KCTD16: variants seen among roughly 807,000 people sequenced by gnomAD.
The protein encoded by KCTD16 is BTB/POZ domain-containing protein KCTD16.
Under a neutral mutation model 33.2 loss-of-function variants are expected in KCTD16, and 13 were observed. That is an observed-to-expected ratio of 0.39 (90% confidence interval 0.25 to 0.62). The LOEUF (loss-of-function observed/expected upper bound fraction) is 0.62. Ranked by LOEUF, KCTD16 falls within the 20% of genes least tolerant of loss-of-function variation. The pLI is 0.50. For missense variants in KCTD16, 441 were observed against 525.1 expected, an observed-to-expected ratio of 0.84 and a Z score of 1.57; for synonymous variants, 197 against 195.3, an observed-to-expected ratio of 1.01 and a Z score of -0.07.
chr5:144,426,234 A>G (rs1015534698), intron 3 of KCTD16, among the ~76,000 whole-genome samples: 1 of 152,170 alleles, frequency 6.6e-6, no homozygotes, highest in Non-Finnish European at 1.5e-5. Context: ...CTTTCCAACT[A>G]TATAACCAGG....
intron 1 of KCTD16, among the ~76,000 whole-genome samples, chr5:144,172,859 G>C (rs1752424355): frequency 6.6e-6 from 1 of 152,022 alleles, no homozygotes; most frequent in African/African-American, 2.4e-5. Context: ...TAATCTTATG[G>C]TTAAAAAAAT....
chr5:144,234,724 C>T (rs1754201153), intron 3 of KCTD16, among the ~76,000 whole-genome samples: 1 of 152,032 alleles, frequency 6.6e-6, no homozygotes, highest in African/African-American at 2.4e-5. Flanking sequence ...TGGGAAAACA[C>T]TTGGTAAACT....
At chr5:144,246,721 C>T (rs1371961338) in intron 3 of KCTD16, among the ~76,000 whole-genome samples, 1 of 152,110 alleles carries the variant, frequency 6.6e-6, no homozygotes, top group Admixed American at 6.5e-5. Flanking sequence ...AAAATCAAGC[C>T]TTTATTGATC....
At chr5:144,380,009 T>C (rs971165422) in intron 3 of KCTD16, among the ~76,000 whole-genome samples, 4 of 152,196 alleles carry the variant, frequency 2.6e-5, no homozygotes, top group South Asian at 2.1e-4. Flanking sequence ...TATACATATA[T>C]GCAGTTGCAA....
chr5:144,352,118 C>A (rs1325928401), intron 3 of KCTD16, among the ~76,000 whole-genome samples: 1 of 152,164 alleles, frequency 6.6e-6, no homozygotes, highest in African/African-American at 2.4e-5. Context: ...TCTATCAAAA[C>A]ATCATGTTGT....
At position 144,418,193 on chromosome 5, in the gene KCTD16, T is replaced by C. The variant is rs935989404; in HGVS notation, c.833-55467T>C. ...CAAGTGTTACAGCTCATAAAGGTAG[T>C]GCAGACCCAAAGCATGAGCAGCAGC... On this transcript the variant is annotated intron_variant, in intron 3 of 3. Coordinates refer to ENST00000512467, the MANE Select transcript of KCTD16 (RefSeq NM_020768.4). Among the ~76,000 whole-genome samples, 7 of 152,118 alleles carry C rather than the reference T, an allele frequency of 4.6e-5. No homozygotes were observed. In the South Asian group the frequency reaches 1.0e-3, roughly 23 times the overall value.
At chr5:144,380,500 C>T (rs755891631) in intron 3 of KCTD16, among the ~76,000 whole-genome samples, 21 of 152,106 alleles carry the variant, frequency 1.4e-4, no homozygotes, top group Non-Finnish European at 2.5e-4. Context: ...TTTTGAAATT[C>T]ACTTGGAACT....
intron 3 of KCTD16, among the ~76,000 whole-genome samples, chr5:144,389,393 T>A (rs1441335996): frequency 1.3e-5 from 2 of 152,068 alleles, no homozygotes; most frequent in Non-Finnish European, 2.9e-5. Context: ...TAGGTTCTCA[T>A]GGAAGCTGGA....
intron 3 of KCTD16, among the ~76,000 whole-genome samples, chr5:144,257,495 C>CT (rs200355726): frequency 1.8e-3 from 269 of 146,092 alleles, no homozygotes; most frequent in South Asian, 3.3e-3. Context: ...GTCATAGTTT[C>CT]TTTTTTTTTT....
rs1326400048 is a variant in KCTD16, at chr5:144,480,408, G to A, written c.*6294G>A. On this transcript the variant is annotated 3_prime_UTR_variant, in exon 4 of 4. Transcript: ENST00000512467. Reference sequence around the variant, plus strand: ...GGGGAAAAATCAAACTCATATCCATGTATATAGTGAAGAGTAGCATCTTAT... The same window carrying A: ...GGGGAAAAATCAAACTCATATCCATATATATAGTGAAGAGTAGCATCTTAT... 6.6e-6 allele frequency: 1 copy of A among 151,938 alleles called. No individual in the cohort carries two copies. Among genetic ancestry groups the A allele is most frequent in the Non-Finnish European group, 1.5e-5 (1 of 67,920 alleles). 9.4% of individuals were successfully genotyped at this position (151,938 alleles called of 1,614,324 possible). A position where few individuals can be genotyped will look rare whatever the true frequency, so the allele number is the denominator to read the frequency against.
At chr5:144,426,799 T>C (rs1331456589) in intron 3 of KCTD16, among the ~76,000 whole-genome samples, 3 of 152,030 alleles carry the variant, frequency 2.0e-5, no homozygotes, top group Non-Finnish European at 1.5e-5. Flanking sequence ...AAGAGCCCAC[T>C]CCTATGGTAA....
chr5:144,467,027 C>CTATATATATTA (rs1460980757), intron 3 of KCTD16, among the ~76,000 whole-genome samples: 17 of 67,446 alleles, frequency 2.5e-4, no homozygotes, highest in African/African-American at 7.2e-4. Context: ...ATATATAACA[C>CTATATATATTA]TATATATTAT....
At chr5:144,401,551 T>G (rs1310208592) in intron 3 of KCTD16, among the ~76,000 whole-genome samples, 1 of 152,210 alleles carries the variant, frequency 6.6e-6, no homozygotes, top group Non-Finnish European at 1.5e-5. Flanking sequence ...CTGGCCATCT[T>G]GAGTCCACCA....
intron 3 of KCTD16, chr5:144,439,366 G>T: frequency 1.9e-6 from 1 of 515,468 alleles, no homozygotes; most frequent in East Asian, 5.6e-5. Context: ...TCTGAATGGA[G>T]GAATCTTGGC....
chr5:144,296,023 A>C (rs1756025119), intron 3 of KCTD16, among the ~76,000 whole-genome samples: 1 of 152,194 alleles, frequency 6.6e-6, no homozygotes, highest in Non-Finnish European at 1.5e-5. Flanking sequence ...TAAGCCACTA[A>C]GTTTGTGATA....
At chr5:144,361,168 T>A (rs1221227204) in intron 3 of KCTD16, among the ~76,000 whole-genome samples, 2 of 151,302 alleles carry the variant, frequency 1.3e-5, no homozygotes, top group African/African-American at 4.9e-5. Flanking sequence ...GGTTTTTTGT[T>A]CTTGCGATAG....
At chr5:144,465,223 C>G (rs1308897929) in intron 3 of KCTD16, among the ~76,000 whole-genome samples, 3 of 138,548 alleles carry the variant, frequency 2.2e-5, no homozygotes, top group Non-Finnish European at 4.6e-5. Flanking sequence ...CTCTTTCTCT[C>G]TCTCGCCTTT....
At chr5:144,418,371 G>C (rs1259806882) in intron 3 of KCTD16, among the ~76,000 whole-genome samples, 1 of 152,144 alleles carries the variant, frequency 6.6e-6, no homozygotes, top group African/African-American at 2.4e-5. Context: ...AGAGCTGATT[G>C]GTCCATTTTA....
intron 3 of KCTD16, among the ~76,000 whole-genome samples, chr5:144,338,482 A>G (rs987130061): frequency 2.0e-5 from 3 of 152,226 alleles, no homozygotes; most frequent in Non-Finnish European, 2.9e-5. Context: ...CATATGGATC[A>G]TAGTAGACAT....
Sources: gnomAD v4.1 joint callset for allele counts (sites outside exome capture counted in the v4.1 genomes callset) on GRCh38, gnomAD v4.1.1 for gene constraint, MANE v1.5 for transcripts, NCBI Gene and HGNC (gene_info 2026-07-23, HGNC 2026-07-21) for gene names.